Variants in MOB4 observed in about 807,000 individuals in gnomAD.
The protein encoded by MOB4 is MOB-like protein phocein.
A neutral mutation model predicts 32.2 loss-of-function variants in MOB4; 4 were observed. The ratio of observed to expected loss-of-function variants is 0.12; its 90% CI spans 0.06 to 0.28. The LOEUF is 0.28. Ranked by LOEUF, MOB4 falls within the 10% of genes least tolerant of loss-of-function variation. MOB4 has a pLI of 1.00. For missense variants in MOB4, 158 were observed against 271.2 expected, an observed-to-expected ratio of 0.58 and a Z score of 2.93; for synonymous variants, 88 against 88.1, an observed-to-expected ratio of 1.00 and a Z score of 0.01.
chr2:197,544,039 C>A (rs1412453833), intron 5 of MOB4, among the ~76,000 whole-genome samples: 1 of 150,764 alleles, frequency 6.6e-6, no homozygotes, highest in African/African-American at 2.4e-5. Context: ...TGCGCCCAGC[C>A]GAGTTTCTTT....
At chr2:197,531,778 C>T (rs546232301) in intron 2 of MOB4, among the ~76,000 whole-genome samples, 193 of 151,946 alleles carry the variant, frequency 1.3e-3, no homozygotes, top group South Asian at 1.5e-3. Context: ...CTCCTGACCT[C>T]GTGATCCACC....
At chr2:197,526,602 C>T (rs146233439) in intron 2 of MOB4, among the ~76,000 whole-genome samples, 60 of 152,312 alleles carry the variant, frequency 3.9e-4, no homozygotes, top group African/African-American at 1.3e-3. Flanking sequence ...AGGTGTGAGC[C>T]GTCACGCCCA....
intron 3 of MOB4, among the ~76,000 whole-genome samples, chr2:197,538,023 C>T (rs550828072): frequency 1.3e-5 from 2 of 152,212 alleles, no homozygotes; most frequent in East Asian, 3.9e-4. Context: ...CACGATCTGC[C>T]CACCTTGGCC....
intron 1 of MOB4, among the ~76,000 whole-genome samples, chr2:197,523,222 T>G (rs118109649): frequency 6.6e-6 from 1 of 152,288 alleles, no homozygotes; most frequent in East Asian, 1.9e-4. Context: ...GAGCTGTATT[T>G]GAGGAATCTG....
intron 2 of MOB4, among the ~76,000 whole-genome samples, chr2:197,527,158 T>C (rs1205359007): frequency 2.0e-5 from 3 of 152,130 alleles, no homozygotes; most frequent in Admixed American, 6.5e-5. Context: ...GATCACCTTT[T>C]CCGTATCTGC....
intron 6 of MOB4, among the ~76,000 whole-genome samples, chr2:197,549,161 G>C (rs977507055): frequency 5.9e-5 from 9 of 152,084 alleles, no homozygotes; most frequent in African/African-American, 1.7e-4. Flanking sequence ...CCAGGAGGCA[G>C]AGGTTGTGGT....
At chr2:197,541,217 A>G (rs552916695) in intron 5 of MOB4, among the ~76,000 whole-genome samples, 10 of 151,866 alleles carry the variant, frequency 6.6e-5, no homozygotes, top group Non-Finnish European at 1.2e-4. Context: ...ACTTTTTCTT[A>G]TTTAAAAAAT....
intron 1 of MOB4, among the ~76,000 whole-genome samples, chr2:197,518,297 C>T (rs1350683598): frequency 2.0e-5 from 3 of 150,986 alleles, no homozygotes; most frequent in African/African-American, 4.9e-5. Context: ...GACAGAGTTT[C>T]TCTCTTGTTG....
At chr2:197,544,228 T>G (rs1261138036) in intron 5 of MOB4, among the ~76,000 whole-genome samples, 1 of 152,102 alleles carries the variant, frequency 6.6e-6, no homozygotes, top group Non-Finnish European at 1.5e-5. Flanking sequence ...TGCACCACCA[T>G]GCCAGGCTAA....
chr2:197,515,817 C>T (rs532871031), upstream of MOB4: 14 of 518,822 alleles, frequency 2.7e-5, no homozygotes, highest in African/African-American at 2.7e-4. Context: ...TTTCAAACCG[C>T]CCCGCAGCCC....
chr2:197,547,505 G>A (rs184559827), intron 5 of MOB4, among the ~76,000 whole-genome samples: 1 of 152,256 alleles, frequency 6.6e-6, no homozygotes, highest in East Asian at 1.9e-4. Context: ...TGGATATATT[G>A]TTAGAAAAAT....
At chr2:197,549,885 G>GA (rs2087067496) in intron 6 of MOB4, among the ~76,000 whole-genome samples, 1 of 142,890 alleles carries the variant, frequency 7.0e-6, no homozygotes, top group Non-Finnish European at 1.5e-5. Flanking sequence ...AAAAAGAAAA[G>GA]AAAAGGAAAG....
chr2:197,535,680 T>C, intron 3 of MOB4, 50 bp downstream of exon 3: 6 of 1,557,364 alleles, frequency 3.9e-6, no homozygotes, highest in Non-Finnish European at 5.2e-6. Context: ...AAACTAGCTT[T>C]CATATTAATG....
chr2:197,516,141 G>T lies in MOB4; in HGVS notation c.55G>T (p.Ala19Ser), dbSNP rs1275954865. Reference sequence around the variant, plus strand: ...GAGGCGGAACAGGCCGGGCACCAAGGCGCAGGTACCATGTCTGCACTTTTC... The same window carrying T: ...GAGGCGGAACAGGCCGGGCACCAAGTCGCAGGTACCATGTCTGCACTTTTC... ...VLRRNRPGTKAQDFYNWPDES... is the reference protein window; with the variant it reads ...VLRRNRPGTKSQDFYNWPDES... Residue 19 changes from alanine to serine, a missense_variant, in exon 1 of 8, where the codon GCG (alanine) becomes TCG (serine). Around this residue, in one of 6 missense-constraint regions of MOB4, gnomAD observed 41 missense variants for 26.4 expected, o/e 1.55. Coordinates refer to ENST00000323303, the MANE Select transcript of MOB4 (RefSeq NM_015387.5). The T allele has an allele frequency of 6.2e-7, 1 of 1,603,072 alleles. No individual in the cohort carries two copies.
intron 5 of MOB4, among the ~76,000 whole-genome samples, chr2:197,545,039 A>G (rs1000309502): frequency 6.6e-6 from 1 of 152,138 alleles, no homozygotes; most frequent in African/African-American, 2.4e-5. Flanking sequence ...CAGGAATTCC[A>G]CTCCTTGATA....
chr2:197,520,449 T>A (rs1177958633), intron 1 of MOB4, among the ~76,000 whole-genome samples: 1 of 152,202 alleles, frequency 6.6e-6, no homozygotes, highest in Non-Finnish European at 1.5e-5. Flanking sequence ...ATTCATTTTA[T>A]ATACACTGTG....
Position 197,516,154 on chromosome 2 carries a change from G to C in MOB4, c.60+8G>C, listed in dbSNP as rs765512061. On this transcript the variant is annotated splice_region_variant and intron_variant, in intron 1 of 7. Coordinates refer to ENST00000323303, the MANE Select transcript of MOB4 (RefSeq NM_015387.5). The stretch of plus-strand genomic sequence containing the variant: ...CCGGGCACCAAGGCGCAGGTACCAT[G>C]TCTGCACTTTTCTTGTCGGGCAACT... 14 of 1,598,700 alleles carry C rather than the reference G, an allele frequency of 8.8e-6. No homozygotes were observed. Among genetic ancestry groups the C allele is most frequent in the Non-Finnish European group, 1.2e-5 (14 of 1,174,126 alleles).
chr2:197,542,650 C>T (rs907630619), intron 5 of MOB4, among the ~76,000 whole-genome samples: 5 of 152,140 alleles, frequency 3.3e-5, no homozygotes, highest in African/African-American at 1.2e-4. Context: ...TCTACAAGCC[C>T]TCACAGTCAC....
intron 1 of MOB4, among the ~76,000 whole-genome samples, chr2:197,519,171 C>T (rs144222449): frequency 0.011 from 1,615 of 152,332 alleles, 15 homozygotes; most frequent in Non-Finnish European, 0.017. Context: ...GCTGGGATTA[C>T]AGGCGCAAGC....
Sources: gnomAD v4.1 joint callset for allele counts (sites outside exome capture counted in the v4.1 genomes callset) on GRCh38, gnomAD v4.1.1 for gene constraint, gnomAD v4.1.1 regional missense constraint, MANE v1.5 for transcripts, NCBI Gene and HGNC (gene_info 2026-07-23, HGNC 2026-07-21) for gene names.